PRAG1: variants seen among roughly 807,000 people sequenced by gnomAD.
The protein encoded by PRAG1 is PEAK1 related, kinase-activating pseudokinase 1.
In PRAG1, 110 loss-of-function variants were observed where a neutral mutation model predicts 95.6. The ratio of observed to expected loss-of-function variants is 1.15; its 90% confidence interval spans 0.99 to 1.35. PRAG1 has a LOEUF of 1.35. Ranked by LOEUF, PRAG1 falls within the 40% of genes most tolerant of loss-of-function variation. PRAG1 has a pLI of 0.00. For synonymous variants in PRAG1, 1,052 were observed against 819.4 expected, an observed-to-expected ratio of 1.28 and a Z score of -4.85; for missense variants, 2,554 against 1,864.7, an observed-to-expected ratio of 1.37 and a Z score of -6.81.
intron 3 of PRAG1, among the ~76,000 whole-genome samples, chr8:8,353,659 A>T (rs1799593811): frequency 6.6e-6 from 1 of 152,162 alleles, no homozygotes; most frequent in Admixed American, 6.6e-5. Context: ...GAAAAAGGAC[A>T]AAACCACGTG....
At chr8:8,334,696 C>T (rs1210966183) in intron 4 of PRAG1, among the ~76,000 whole-genome samples, 1 of 148,996 alleles carries the variant, frequency 6.7e-6, no homozygotes, top group African/African-American at 2.5e-5. Context: ...CTACAGCTCA[C>T]ATGTGGTCCT....
At chr8:8,342,786 C>T (rs746996598) in intron 3 of PRAG1, among the ~76,000 whole-genome samples, 2 of 152,198 alleles carry the variant, frequency 1.3e-5, no homozygotes, top group Non-Finnish European at 2.9e-5. Flanking sequence ...AAAAGAAACA[C>T]CCATTAAATT....
chr8:8,350,470 G>T (rs1242039149), intron 3 of PRAG1, among the ~76,000 whole-genome samples: 1 of 152,216 alleles, frequency 6.6e-6, no homozygotes, highest in Non-Finnish European at 1.5e-5. Context: ...AAGAAAAGGA[G>T]ATGAAAAGAG....
At chr8:8,343,022 A>G (rs1563236992) in intron 3 of PRAG1, among the ~76,000 whole-genome samples, 2 of 152,212 alleles carry the variant, frequency 1.3e-5, no homozygotes, top group Non-Finnish European at 2.9e-5. Flanking sequence ...CTAATAAAGT[A>G]CTGGTAGGCA....
At chr8:8,383,228 C>T (rs370764039) in intron 1 of PRAG1, among the ~76,000 whole-genome samples, 177 of 152,226 alleles carry the variant, frequency 1.2e-3, no homozygotes, top group African/African-American at 4.1e-3. Context: ...CAGGGGTGTT[C>T]ATTCAACAAG....
In PRAG1 at chr8:8,317,965, G is replaced by T. The variant is rs1184689953; in HGVS notation, c.*189C>A. ...TGCAGAGAGGAGACGAGTGTGGACG[G>T]GCAACAGCATCCTTAGTCTTTCATA... On this transcript the variant is annotated 3_prime_UTR_variant, in exon 6 of 6. Transcript: ENST00000615670. 4 of 402,138 alleles carry T rather than the reference G, an allele frequency of 9.9e-6. No homozygotes were observed. In the Admixed American group the frequency reaches 1.3e-4, roughly 13 times the overall value. 24.9% of individuals were successfully genotyped at this position (402,138 alleles called of 1,614,324 possible). A position where few individuals can be genotyped will look rare whatever the true frequency, so the allele number is the denominator to read the frequency against.
At chr8:8,342,352 C>G (rs769940613) in intron 3 of PRAG1, among the ~76,000 whole-genome samples, 1 of 151,696 alleles carries the variant, frequency 6.6e-6, no homozygotes, top group African/African-American at 2.4e-5. Flanking sequence ...CCCACCACCA[C>G]GCCCCGCTAA....
chr8:8,321,331 C>G (rs1798465814), intron 5 of PRAG1, among the ~76,000 whole-genome samples: 1 of 152,206 alleles, frequency 6.6e-6, no homozygotes, highest in South Asian at 2.1e-4. Flanking sequence ...GTGATCCTCC[C>G]ACCTCGGCCT....
chr8:8,320,673 A>C (rs926026499), intron 5 of PRAG1, among the ~76,000 whole-genome samples: 7 of 151,868 alleles, frequency 4.6e-5, no homozygotes, highest in African/African-American at 1.7e-4. Context: ...GGCATCTCAC[A>C]TCTACCTATA....
At chr8:8,369,676 G>C (rs188558956) in intron 3 of PRAG1, among the ~76,000 whole-genome samples, 1 of 149,762 alleles carries the variant, frequency 6.7e-6, no homozygotes, top group Non-Finnish European at 1.5e-5. Context: ...AAGTGCATCT[G>C]GTCTATTTTG....
At chr8:8,339,122 A>G (rs951223979) in intron 4 of PRAG1, among the ~76,000 whole-genome samples, 22 of 149,912 alleles carry the variant, frequency 1.5e-4, no homozygotes, top group African/African-American at 4.2e-4. Context: ...GAGAGAGAGA[A>G]AGAGATAGTG....
chr8:8,349,964 C>T (rs1187393228), intron 3 of PRAG1, among the ~76,000 whole-genome samples: 1 of 148,796 alleles, frequency 6.7e-6, no homozygotes, highest in East Asian at 2.0e-4. Context: ...CACACACATA[C>T]CACACAAACA....
chr8:8,335,020 G>C (rs1798943790), intron 4 of PRAG1, among the ~76,000 whole-genome samples: 1 of 151,802 alleles, frequency 6.6e-6, no homozygotes, highest in African/African-American at 2.4e-5. Context: ...GCAGTGAGCA[G>C]AGATTGTGCC....
At chr8:8,365,481 C>T (rs533029033) in intron 3 of PRAG1, among the ~76,000 whole-genome samples, 22 of 151,482 alleles carry the variant, frequency 1.5e-4, no homozygotes, top group African/African-American at 4.1e-4. Flanking sequence ...AAAATTAGCC[C>T]GGCATGGTGG....
rs1470559658 is a variant in PRAG1, at chr8:8,373,454, A to ATTGTTTTTTTTTTTTTT, written c.2162+2792_2162+2793insAAAAAAAAAAAAAACAA. On this transcript the variant is annotated intron_variant, in intron 3 of 5. Transcript: ENST00000615670. The stretch of plus-strand genomic sequence containing the variant: ...CTCTTAAGCTAATTTTATTTTCTAG[A>ATTGTTTTTTTTTTTTTT]TTTTTTTTTTTTTGAGACAGGGTCT... 2.5e-3 allele frequency among the ~76,000 whole-genome samples: 345 copies of ATTGTTTTTTTTTTTTTT among 138,030 alleles called. 5 individuals carry two copies. The highest frequency in any genetic ancestry group is 3.1e-3 in the South Asian group (13 of 4,128). 90.6% of individuals were successfully genotyped at this position (138,030 alleles called of 152,430 possible). A position where few individuals can be genotyped will look rare whatever the true frequency, so the allele number is the denominator to read the frequency against.
chr8:8,338,691 T>G (rs765198295), intron 4 of PRAG1, among the ~76,000 whole-genome samples: 9 of 152,230 alleles, frequency 5.9e-5, no homozygotes, highest in Non-Finnish European at 1.0e-4. Flanking sequence ...TAGAATAATG[T>G]TGCTGACAGT....
At position 8,317,965 on chromosome 8, in the gene PRAG1, G is replaced by C. The variant is rs1184689953; in HGVS notation, c.*189C>G. Reference sequence around the variant, plus strand: ...TGCAGAGAGGAGACGAGTGTGGACGGGCAACAGCATCCTTAGTCTTTCATA... The same window carrying C: ...TGCAGAGAGGAGACGAGTGTGGACGCGCAACAGCATCCTTAGTCTTTCATA... On this transcript the variant is annotated 3_prime_UTR_variant, in exon 6 of 6. Coordinates refer to ENST00000615670, the MANE Select transcript of PRAG1 (RefSeq NM_001080826.3). 2.5e-6 allele frequency: 1 copy of C among 402,252 alleles called. No individual in the cohort carries two copies. The highest frequency in any genetic ancestry group is 4.1e-6 in the Non-Finnish European group (1 of 242,776). 24.9% of individuals were successfully genotyped at this position (402,252 alleles called of 1,614,324 possible).
intron 3 of PRAG1, among the ~76,000 whole-genome samples, chr8:8,368,345 A>T (rs773733055): frequency 5.3e-5 from 8 of 152,208 alleles, no homozygotes; most frequent in Non-Finnish European, 8.8e-5. Flanking sequence ...TAAAGCAGGG[A>T]ATTTTACAGA....
rs1239847225 is a variant in PRAG1, at chr8:8,384,830, T to G, written c.-88+1491A>C. ...TGAGGGGAGGCAGCCCCCAGAATTA[T>G]GCAAATCCTCCCCATTTCAGTAGGA... On this transcript the variant is annotated intron_variant, in intron 1 of 5. Transcript: ENST00000615670. Among the ~76,000 whole-genome samples, 4 of 152,174 alleles carry G rather than the reference T, an allele frequency of 2.6e-5. No homozygotes were observed. The South Asian group carries it at 6.2e-4, about 24-fold the overall frequency.
Sources: allele counts gnomAD v4.1 joint callset (sites outside exome capture counted in the v4.1 genomes callset), GRCh38; gene constraint gnomAD v4.1.1; transcripts MANE v1.5; gene names NCBI Gene and HGNC (gene_info 2026-07-23, HGNC 2026-07-21).